SLC16A10: variants seen among roughly 807,000 people sequenced by gnomAD.
The protein encoded by SLC16A10 is solute carrier family 16 member 10, also known as monocarboxylate transporter 10.
A neutral mutation model predicts 40.0 loss-of-function variants in SLC16A10; 27 were observed. That is an observed-to-expected ratio of 0.67 (90% CI 0.50 to 0.93). The LOEUF (loss-of-function observed/expected upper bound fraction) is 0.93. Ranked by LOEUF, SLC16A10 falls within the 40% of genes least tolerant of loss-of-function variation. SLC16A10 has a pLI of 0.00. For missense variants in SLC16A10, 529 were observed against 658.2 expected (o/e 0.80, Z 2.15); for synonymous variants, 213 against 249.8 (o/e 0.85, Z 1.39).
At chr6:111,105,762 C>T (rs34362588) in intron 1 of SLC16A10, among the ~76,000 whole-genome samples, 2,934 of 152,302 alleles carry the variant, frequency 0.019, 39 homozygotes, top group Non-Finnish European at 0.028. Flanking sequence ...TGTTGACTCA[C>T]GTGCTGTCCT....
At chr6:111,093,796 GT>G (rs767593524) in intron 1 of SLC16A10, among the ~76,000 whole-genome samples, 15 of 152,220 alleles carry the variant, frequency 9.9e-5, no homozygotes, top group Non-Finnish European at 2.2e-4. Flanking sequence ...TGGAAGAGAG[GT>G]AGAAAAGCTA....
intron 1 of SLC16A10, among the ~76,000 whole-genome samples, chr6:111,139,536 G>A (rs1771943675): frequency 6.6e-6 from 1 of 152,070 alleles, no homozygotes; most frequent in Non-Finnish European, 1.5e-5. Context: ...TCTTGACCTG[G>A]TGATCTGCCT....
chr6:111,089,697 T>A lies in SLC16A10; in HGVS notation c.343+1602T>A, dbSNP rs77917180. ...ATAATAGCAAACAAAAATAGTTTGT[T>A]GTCTTTTCTATATGAGTATTGGGTG... On this transcript the variant is annotated intron_variant, in intron 1 of 5. Transcript: ENST00000368851. Among the ~76,000 whole-genome samples, 1,057 of 152,254 alleles carry A rather than the reference T, an allele frequency of 6.9e-3. 14 individuals are homozygous for A. The highest frequency in any genetic ancestry group is 0.024 in the African/African-American group (996 of 41,524).
chr6:111,148,211 C>A (rs1772112708), intron 1 of SLC16A10, among the ~76,000 whole-genome samples: 2 of 152,116 alleles, frequency 1.3e-5, no homozygotes, highest in Admixed American at 1.3e-4. Context: ...CATCATCTAT[C>A]TCAATTTTTC....
chr6:111,089,908 GTTTTTTTTTTTTT>G (rs541758500), intron 1 of SLC16A10, among the ~76,000 whole-genome samples: 138 of 52,306 alleles, frequency 2.6e-3, no homozygotes, highest in South Asian at 8.3e-3. Context: ...CTGTGGGTGG[GTTTTTTTTTTTTT>G]TTTTTTTTTT....
intron 1 of SLC16A10, among the ~76,000 whole-genome samples, chr6:111,104,194 A>G (rs911876852): frequency 2.6e-5 from 4 of 152,200 alleles, no homozygotes; most frequent in African/African-American, 9.7e-5. Context: ...AATAGAGGCA[A>G]TGGGGAGATA....
At chr6:111,172,941 C>G in intron 2 of SLC16A10, 102 bp downstream of exon 2, 2 of 1,426,534 alleles carry the variant, frequency 1.4e-6, no homozygotes, top group South Asian at 2.7e-5. Context: ...TCCTCCTTTT[C>G]ATTTTTTAAA....
intron 1 of SLC16A10, among the ~76,000 whole-genome samples, chr6:111,147,893 C>T (rs963137334): frequency 6.6e-6 from 1 of 152,162 alleles, no homozygotes; most frequent in African/African-American, 2.4e-5. Context: ...CTTTGATTTG[C>T]GAGTGTGTGT....
At chr6:111,191,984 G>A (rs1049990045) in intron 3 of SLC16A10, among the ~76,000 whole-genome samples, 5 of 152,086 alleles carry the variant, frequency 3.3e-5, no homozygotes, top group Non-Finnish European at 5.9e-5. Flanking sequence ...CACTCTGATG[G>A]TAGTTCCTTT....
At chr6:111,113,607 G>C (rs1350827190) in intron 1 of SLC16A10, among the ~76,000 whole-genome samples, 1 of 152,188 alleles carries the variant, frequency 6.6e-6, no homozygotes, top group Non-Finnish European at 1.5e-5. Flanking sequence ...GCTTTTCATT[G>C]TGGGGATTGT....
intron 1 of SLC16A10, among the ~76,000 whole-genome samples, chr6:111,124,343 C>G (rs1402419914): frequency 6.6e-6 from 1 of 150,750 alleles, no homozygotes; most frequent in African/African-American, 2.4e-5. Flanking sequence ...ATTAATTCTT[C>G]CCCAATAGAG....
rs73532733 is a variant in SLC16A10, at chr6:111,223,556, A to G, written c.*1321A>G. The G allele has an allele frequency of 0.012, 1,827 of 152,304 alleles. 26 individuals are homozygous for G. The highest frequency in any genetic ancestry group is 0.042 in the African/African-American group (1,755 of 41,552). The allele number at this position is 152,304 out of a possible 1,614,324, so 9.4% of individuals were successfully genotyped here. A position where few individuals can be genotyped will look rare whatever the true frequency, so the allele number is the denominator to read the frequency against. The stretch of plus-strand genomic sequence containing the variant: ...CAGCAACTTACTTTGTCATACATGC[A>G]GTTGCACCTTACCACTTCTAATAGT... On this transcript the variant is annotated 3_prime_UTR_variant, in exon 6 of 6. Coordinates refer to ENST00000368851, the MANE Select transcript of SLC16A10 (RefSeq NM_018593.5).
At chr6:111,122,425 G>T (rs1017416411) in intron 1 of SLC16A10, among the ~76,000 whole-genome samples, 7 of 152,140 alleles carry the variant, frequency 4.6e-5, no homozygotes, top group African/African-American at 1.7e-4. Flanking sequence ...GATTTTCCAG[G>T]CAAGTGGAAC....
intron 1 of SLC16A10, among the ~76,000 whole-genome samples, chr6:111,152,640 A>G (rs1339703670): frequency 6.6e-6 from 1 of 152,234 alleles, no homozygotes; most frequent in Non-Finnish European, 1.5e-5. Context: ...AATGGTTGAT[A>G]GTATGCTGTA....
At chr6:111,109,189 C>T (rs547612531) in intron 1 of SLC16A10, among the ~76,000 whole-genome samples, 6 of 152,124 alleles carry the variant, frequency 3.9e-5, no homozygotes, top group Non-Finnish European at 8.8e-5. Flanking sequence ...ATAGTGTGTC[C>T]ATCACCCCAG....
At chr6:111,217,599 G>T (rs1770786419) in intron 4 of SLC16A10, among the ~76,000 whole-genome samples, 1 of 151,952 alleles carries the variant, frequency 6.6e-6, no homozygotes, top group African/African-American at 2.4e-5. Flanking sequence ...ACAGGCGCCG[G>T]CCACCACGCC....
At chr6:111,183,378 A>G (rs1040079079) in intron 3 of SLC16A10, among the ~76,000 whole-genome samples, 5 of 152,164 alleles carry the variant, frequency 3.3e-5, no homozygotes, top group African/African-American at 1.2e-4. Flanking sequence ...CCGTATATTT[A>G]CACGTCTGCT....
chr6:111,151,788 C>T (rs1269352485), intron 1 of SLC16A10, among the ~76,000 whole-genome samples: 1 of 152,200 alleles, frequency 6.6e-6, no homozygotes, highest in Non-Finnish European at 1.5e-5. Context: ...ATGGAATGTT[C>T]CTGCCTCCTC....
intron 4 of SLC16A10, 22 bp downstream of exon 4, chr6:111,206,757 C>A (rs769583773): frequency 6.9e-6 from 11 of 1,604,946 alleles, no homozygotes; most frequent in Non-Finnish European, 9.3e-6. Context: ...CACCTTTTTT[C>A]CCCTATCAAA....
Sources: allele counts gnomAD v4.1 joint callset (sites outside exome capture counted in the v4.1 genomes callset), GRCh38; gene constraint gnomAD v4.1.1; transcripts MANE v1.5; gene names NCBI Gene and HGNC (gene_info 2026-07-23, HGNC 2026-07-21).